The following TNRC6C variants were observed in gnomAD, a reference collection of about 807,000 sequenced individuals.
TNRC6C encodes the protein trinucleotide repeat-containing gene 6C protein.
TNRC6C carries 20 observed loss-of-function variants against 153.7 expected under a neutral mutation model. That is an observed-to-expected ratio of 0.13 (90% CI 0.09 to 0.19). The LOEUF (loss-of-function observed/expected upper bound fraction) is 0.19. Ranked by LOEUF, TNRC6C falls within the 10% of genes least tolerant of loss-of-function variation. The probability of loss-of-function intolerance (pLI) is 1.00; values close to 1 mark genes in which losing one functional copy is unlikely to be tolerated. For synonymous variants in TNRC6C, 811 were observed against 841.4 expected (o/e 0.96, Z 0.63); for missense variants, 1,987 against 2,172.0 (o/e 0.91, Z 1.69).
intron 1 of TNRC6C, among the ~76,000 whole-genome samples, chr17:77,991,377 C>A (rs879357358): frequency 2.8e-4 from 42 of 152,270 alleles, no homozygotes; most frequent in Middle Eastern, 3.4e-3. Context: ...GGTCAACTAA[C>A]CCCCTGAATG....
chr17:78,095,131 C>A (rs905889226), intron 16 of TNRC6C, among the ~76,000 whole-genome samples: 1 of 152,206 alleles, frequency 6.6e-6, no homozygotes, highest in Non-Finnish European at 1.5e-5. Flanking sequence ...TGGAAAGAAT[C>A]GAAGTTGCAT....
intron 1 of TNRC6C, among the ~76,000 whole-genome samples, chr17:77,971,618 A>G (rs1367081615): frequency 3.3e-5 from 5 of 152,124 alleles, no homozygotes; most frequent in African/African-American, 1.2e-4. Flanking sequence ...ATTCTGTCAA[A>G]CATAGAACTA....
At chr17:78,057,546 A>C (rs1047751676) in intron 3 of TNRC6C, among the ~76,000 whole-genome samples, 6 of 152,234 alleles carry the variant, frequency 3.9e-5, no homozygotes, top group Non-Finnish European at 7.3e-5. Context: ...CAGCAGTCTC[A>C]GCACCTGCTG....
intron 1 of TNRC6C, among the ~76,000 whole-genome samples, chr17:77,969,123 C>T (rs2144053104): frequency 6.6e-6 from 1 of 152,246 alleles, no homozygotes; most frequent in South Asian, 2.1e-4. Context: ...ATTTATTCTC[C>T]TTAATAAGAG....
At chr17:78,034,361 A>G (rs991043991) in intron 2 of TNRC6C, among the ~76,000 whole-genome samples, 1 of 151,340 alleles carries the variant, frequency 6.6e-6, no homozygotes, top group African/African-American at 2.4e-5. Flanking sequence ...CCCAGCCTCC[A>G]TGGCCTACTT....
chr17:78,102,412 G>A, intron 17 of TNRC6C, 62 bp from the exon 21 acceptor site: 2 of 1,459,554 alleles, frequency 1.4e-6, no homozygotes, highest in South Asian at 1.2e-5. Context: ...TAAGAAGTGG[G>A]GAGGGCCGCA....
At position 78,025,596 on chromosome 17, in the gene TNRC6C, T is replaced by C. The variant is rs2071926940; in HGVS notation, c.-545-5920T>C. On this transcript the variant is annotated intron_variant, in intron 1 of 19. Coordinates refer to ENST00000301624, the Ensembl canonical transcript of TNRC6C. ...ACGTAAAGTTTTCAACTCATTTGGG[T>C]AAATACCTATTAGCTTTTCTGTTAT... Among the ~76,000 whole-genome samples, 3 of 152,246 alleles carry C rather than the reference T, an allele frequency of 2.0e-5. No homozygotes were observed. In the South Asian group the frequency reaches 6.2e-4, roughly 32 times the overall value.
intron 2 of TNRC6C, among the ~76,000 whole-genome samples, chr17:78,043,942 A>G (rs1208885419): frequency 2.0e-5 from 3 of 152,150 alleles, no homozygotes; most frequent in East Asian, 1.9e-4. Flanking sequence ...TATATCTGCC[A>G]TATTTTCTTT....
chr17:78,043,940 C>A (rs576208024), intron 2 of TNRC6C, among the ~76,000 whole-genome samples: 1 of 152,072 alleles, frequency 6.6e-6, no homozygotes, highest in African/African-American at 2.4e-5. Flanking sequence ...TGTATATCTG[C>A]CATATTTTCT....
chr17:78,037,951 G>T (rs1348714615), intron 2 of TNRC6C, among the ~76,000 whole-genome samples: 1 of 152,186 alleles, frequency 6.6e-6, no homozygotes, highest in East Asian at 1.9e-4. Flanking sequence ...AGTAAACACA[G>T]ATCCAGGAAC....
intron 1 of TNRC6C, among the ~76,000 whole-genome samples, chr17:77,994,556 C>T (rs1386407382): frequency 2.0e-5 from 3 of 152,212 alleles, no homozygotes; most frequent in African/African-American, 4.8e-5. Flanking sequence ...GGATCATCTG[C>T]AGTCAGTTCT....
chr17:77,970,183 C>T (rs532698883), intron 1 of TNRC6C, among the ~76,000 whole-genome samples: 179 of 152,272 alleles, frequency 1.2e-3, no homozygotes, highest in South Asian at 4.2e-3. Flanking sequence ...TTGGGCTAAG[C>T]GTATTTCATT....
chr17:78,093,080 A>G lies in TNRC6C; in HGVS notation c.4118A>G (p.Asp1373Gly), dbSNP rs2073421707. The G allele has an allele frequency of 2.5e-6, 4 of 1,613,396 alleles. No homozygotes were observed. Among genetic ancestry groups the G allele is most frequent in the Non-Finnish European group, 3.4e-6 (4 of 1,179,900 alleles). ...CATAGCTGGTCACGTGCCAAATCTG[A>G]CAGTGATAAAATCTCAAATGGCTCT... The change falls in exon 15 of 20, where the codon GAC (aspartate) becomes GGC (glycine). Residue 1373 changes from aspartate (D) to glycine (G), a missense_variant. Coordinates refer to ENST00000301624, the Ensembl canonical transcript of TNRC6C.
At chr17:78,050,249 G>C in exon 3 of TNRC6C, 2 of 1,541,392 alleles carry the variant, frequency 1.3e-6, no homozygotes, top group Non-Finnish European at 1.7e-6. Context: ...ACTACAGCAA[G>C]TGAAGGAAGT....
chr17:77,957,853 G>T (rs2070819986), upstream of TNRC6C, among the ~76,000 whole-genome samples: 1 of 152,254 alleles, frequency 6.6e-6, no homozygotes, highest in Non-Finnish European at 1.5e-5. Context: ...ACGGAGCACC[G>T]GGGAGGAATC....
intron 1 of TNRC6C, among the ~76,000 whole-genome samples, chr17:78,014,072 T>C (rs2071684970): frequency 1.3e-5 from 2 of 152,344 alleles, no homozygotes; most frequent in East Asian, 1.9e-4. Context: ...TTCTGCACTT[T>C]TGGAGAGAAA....
exon 3 of TNRC6C, chr17:78,050,060 G>A (rs750724099): frequency 1.6e-5 from 26 of 1,610,652 alleles, no homozygotes; most frequent in Middle Eastern, 1.7e-4. Flanking sequence ...CACCCCAGCC[G>A]AAGCACCTCT....
At chr17:78,100,545 T>G (rs935000672) in intron 17 of TNRC6C, among the ~76,000 whole-genome samples, 5 of 152,170 alleles carry the variant, frequency 3.3e-5, no homozygotes, top group African/African-American at 1.2e-4. Context: ...AGGCACCAAA[T>G]TCCTAAACTG....
intron 1 of TNRC6C, among the ~76,000 whole-genome samples, chr17:78,014,857 C>A (rs759166543): frequency 6.6e-6 from 1 of 151,838 alleles, no homozygotes; most frequent in Non-Finnish European, 1.5e-5. Flanking sequence ...CACTTTGTAT[C>A]CCTCCAGGAC....
Sources: allele counts gnomAD v4.1 joint callset (sites outside exome capture counted in the v4.1 genomes callset), GRCh38; gene constraint gnomAD v4.1.1; transcripts MANE v1.5; gene names NCBI Gene and HGNC (gene_info 2026-07-23, HGNC 2026-07-21).